Variants in DYNC1I1 observed in about 807,000 individuals in gnomAD.
DYNC1I1 encodes the protein cytoplasmic dynein 1 intermediate chain 1.
In DYNC1I1, 43 loss-of-function variants were observed where a neutral mutation model predicts 86.6. The ratio of observed to expected loss-of-function variants is 0.50; its 90% confidence interval spans 0.39 to 0.64. DYNC1I1 has a LOEUF of 0.64. Among genes scored for constraint, DYNC1I1 ranks in the 30% least tolerant of loss-of-function variants. The pLI, the probability that DYNC1I1 is intolerant of heterozygous loss-of-function variation, is 0.00. For synonymous variants in DYNC1I1, 262 were observed against 283.7 expected (o/e 0.92, Z 0.77); for missense variants, 604 against 788.8 (o/e 0.77, Z 2.81).
intron 1 of DYNC1I1, among the ~76,000 whole-genome samples, chr7:95,773,471 G>A (rs536181758): frequency 5.5e-4 from 83 of 152,240 alleles, no homozygotes; most frequent in Non-Finnish European, 1.1e-3. Context: ...CAGTGATCCT[G>A]GCAGCGCTGA....
At chr7:96,013,191 G>A (rs1476418844) in intron 10 of DYNC1I1, among the ~76,000 whole-genome samples, 3 of 152,078 alleles carry the variant, frequency 2.0e-5, no homozygotes, top group Non-Finnish European at 2.9e-5. Context: ...ATGGGATGAT[G>A]GAAGCAGAAT....
At chr7:96,001,377 A>C (rs1312897222) in intron 10 of DYNC1I1, among the ~76,000 whole-genome samples, 3 of 152,188 alleles carry the variant, frequency 2.0e-5, no homozygotes, top group Non-Finnish European at 4.4e-5. Flanking sequence ...TGGGTTGAAG[A>C]TGGATGGGAT....
chr7:96,032,662 T>G lies in DYNC1I1; in HGVS notation c.1117-5T>G, dbSNP rs1229179156. The stretch of plus-strand genomic sequence containing the variant: ...CTCTGATCCTCTTTGTTTATGTTTT[T>G]GCAGCATCCCGTGTACTGTGTAAAT... On this transcript the variant is annotated splice_polypyrimidine_tract_variant and splice_region_variant and intron_variant, in intron 11 of 16. Transcript: ENST00000447467. 6 of 1,609,364 alleles carry G rather than the reference T, an allele frequency of 3.7e-6. No homozygotes were observed. The highest frequency in any genetic ancestry group is 5.1e-6 in the Non-Finnish European group (6 of 1,176,650).
At chr7:96,095,901 T>C (rs1441632804) in intron 16 of DYNC1I1, among the ~76,000 whole-genome samples, 1 of 152,018 alleles carries the variant, frequency 6.6e-6, no homozygotes, top group Non-Finnish European at 1.5e-5. Flanking sequence ...AGCAAAAGGG[T>C]ATCAGAATCA....
At chr7:95,849,693 CTGTT>C (rs1789526881) in intron 5 of DYNC1I1, among the ~76,000 whole-genome samples, 2 of 152,040 alleles carry the variant, frequency 1.3e-5, no homozygotes, top group Non-Finnish European at 2.9e-5. Flanking sequence ...GTTGCTTTAA[CTGTT>C]TGGGGTCTTT....
chr7:95,973,410 C>A (rs1244598806), intron 6 of DYNC1I1, among the ~76,000 whole-genome samples: 1 of 152,260 alleles, frequency 6.6e-6, no homozygotes, highest in African/African-American at 2.4e-5. Flanking sequence ...AAATTAATAC[C>A]TACAACTGGT....
chr7:96,033,817 C>G lies in DYNC1I1; in HGVS notation c.1230+1037C>G, dbSNP rs577487968. On this transcript the variant is annotated intron_variant, in intron 12 of 16. Transcript: ENST00000447467. ...TTAAGCCTAGGAGTTCAAGACCAGC[C>G]TAGGCAACAGAGCAAGACCCTTTTT... Among the ~76,000 whole-genome samples the G allele has an allele frequency of 1.2e-4, 18 of 152,184 alleles. No individual in the cohort carries two copies. In the Middle Eastern group the frequency reaches 0.01, roughly 86 times the overall value.
intron 6 of DYNC1I1, among the ~76,000 whole-genome samples, chr7:95,954,458 G>T (rs999311705): frequency 2.6e-5 from 4 of 151,934 alleles, no homozygotes; most frequent in African/African-American, 7.3e-5. Flanking sequence ...GGCAGTGCTG[G>T]TGTAGACAGT....
intron 6 of DYNC1I1, among the ~76,000 whole-genome samples, chr7:95,925,672 A>G (rs1004082670): frequency 6.6e-6 from 1 of 152,188 alleles, no homozygotes; most frequent in African/African-American, 2.4e-5. Flanking sequence ...CCAAAATTTG[A>G]CAGGCATTTT....
chr7:96,091,704 TTGAC>T lies in DYNC1I1; in HGVS notation c.1777-5775_1777-5772del, dbSNP rs1359759679. Among the ~76,000 whole-genome samples the T allele has an allele frequency of 2.0e-5, 3 of 152,320 alleles. No individual in the cohort carries two copies. In the East Asian group the frequency reaches 5.8e-4, roughly 29 times the overall value. On this transcript the variant is annotated intron_variant, in intron 16 of 16. Transcript: ENST00000447467. ...GCAATTACTAAAAAATGAGGAAGGT[TTGAC>T]TGAGAACTATTCAAAATAGTTATTA...
chr7:95,996,003 C>A lies in DYNC1I1; in HGVS notation c.899C>A (p.Pro300Gln). The change falls in exon 10 of 17, where the codon CCA (proline) becomes CAA (glutamine). Residue 300 changes from proline to glutamine, a missense_variant. Physicochemically the swap from Pro to Gln is moderately conservative, Grantham distance 76 (BLOSUM62 -1). Transcript: ENST00000447467. ...YNNNEDAPHE[P>Q]DGVALVWNMK... ...AACAATGAAGATGCTCCCCATGAAC[C>A]AGATGGAGTGGCCTTGGTTTGGAAC... is the stretch of plus-strand genomic sequence containing the variant. 1 of 1,613,264 alleles carries A rather than the reference C, an allele frequency of 6.2e-7. No individual in the cohort carries two copies. Among genetic ancestry groups the A allele is most frequent in the Non-Finnish European group, 8.5e-7 (1 of 1,179,696 alleles).
chr7:95,992,344 CA>C (rs1450172677), intron 9 of DYNC1I1, among the ~76,000 whole-genome samples: 1 of 152,120 alleles, frequency 6.6e-6, no homozygotes, highest in Non-Finnish European at 1.5e-5. Flanking sequence ...TGGTGCCTTA[CA>C]TATTTATAGG....
At chr7:95,883,237 C>A (rs1790502010) in intron 6 of DYNC1I1, among the ~76,000 whole-genome samples, 1 of 152,072 alleles carries the variant, frequency 6.6e-6, no homozygotes, top group Non-Finnish European at 1.5e-5. Context: ...CATTTGTGAA[C>A]TTTTTGGATG....
At chr7:95,928,491 G>C (rs937175334) in intron 6 of DYNC1I1, among the ~76,000 whole-genome samples, 5 of 152,132 alleles carry the variant, frequency 3.3e-5, no homozygotes, top group African/African-American at 4.8e-5. Context: ...TAGTGGGCTT[G>C]GGAACTGGCT....
In DYNC1I1 at chr7:96,082,628, C is replaced by A. The variant is rs1380201373; in HGVS notation, c.1776+2140C>A. ...TTGACTTAAATGTTATATATATACACACTATATATATGCACACACATACAT... is the reference window on the plus strand; with the variant it reads ...TTGACTTAAATGTTATATATATACAAACTATATATATGCACACACATACAT... On this transcript the variant is annotated intron_variant, in intron 16 of 16. Coordinates refer to ENST00000447467, the MANE Select transcript of DYNC1I1 (RefSeq NM_001135556.2). Among the ~76,000 whole-genome samples, 10 of 152,186 alleles carry A rather than the reference C, an allele frequency of 6.6e-5. No homozygotes were observed. In the East Asian group the frequency reaches 1.7e-3, roughly 26 times the overall value.
intron 14 of DYNC1I1, among the ~76,000 whole-genome samples, chr7:96,040,718 T>G (rs543612136): frequency 1.4e-5 from 2 of 145,596 alleles, no homozygotes; most frequent in East Asian, 4.0e-4. Flanking sequence ...AATGAGTAGT[T>G]TTTTTTTTTT....
At chr7:95,986,953 C>T (rs112971683) in intron 8 of DYNC1I1, 103 bp from the exon 9 acceptor site, 9 of 981,586 alleles carry the variant, frequency 9.2e-6, no homozygotes, top group African/African-American at 6.5e-5. Context: ...ACATTTTGGC[C>T]TCAGAGAGTA....
In DYNC1I1 at chr7:95,922,213, T is replaced by C. The variant is rs150858350; in HGVS notation, c.490+52215T>C. ...TTTTTTTTCTTTTCTTTTTTAATAT[T>C]AGTGTGTGTAAAGGTGGTTTCAGTA... is the stretch of plus-strand genomic sequence containing the variant. On this transcript the variant is annotated intron_variant, in intron 6 of 16. Transcript: ENST00000447467. 5.3e-5 allele frequency among the ~76,000 whole-genome samples: 8 copies of C among 152,256 alleles called. No individual in the cohort carries two copies. The East Asian group carries it at 1.5e-3, about 29-fold the overall frequency.
intron 6 of DYNC1I1, among the ~76,000 whole-genome samples, chr7:95,937,222 G>T (rs1792069350): frequency 6.6e-6 from 1 of 151,914 alleles, no homozygotes; most frequent in South Asian, 2.1e-4. Context: ...ACGTAGGGTG[G>T]ATTAGTTCTA....
Sources: allele counts gnomAD v4.1 joint callset (sites outside exome capture counted in the v4.1 genomes callset), GRCh38; gene constraint gnomAD v4.1.1; transcripts MANE v1.5; gene names NCBI Gene and HGNC (gene_info 2026-07-23, HGNC 2026-07-21).